The following WNT7A variants were observed in gnomAD, a reference collection of about 807,000 sequenced individuals.
WNT7A encodes Wnt family member 7A.
Under a neutral mutation model 28.2 loss-of-function variants are expected in WNT7A, and 16 were observed. The observed-to-expected ratio is 0.57, with a 90% CI of 0.38 to 0.86. WNT7A has a LOEUF of 0.86. WNT7A is among the 40% of genes least tolerant of loss of function. The pLI is 0.00. For synonymous variants in WNT7A, 190 were observed against 195.9 expected (o/e 0.97, Z 0.25); for missense variants, 411 against 489.7 (o/e 0.84, Z 1.52).
chr3:13,825,168 G>A (rs1387959781), intron 3 of WNT7A, among the ~76,000 whole-genome samples: 1 of 152,200 alleles, frequency 6.6e-6, no homozygotes, highest in Non-Finnish European at 1.5e-5. Flanking sequence ...ACCAGTGCCA[G>A]GGGACCAGCT....
chr3:13,828,091 C>T (rs1477345588), intron 3 of WNT7A, among the ~76,000 whole-genome samples: 1 of 152,154 alleles, frequency 6.6e-6, no homozygotes, highest in Non-Finnish European at 1.5e-5. Context: ...TCCTAGCCCC[C>T]GAAACTGAAG....
At position 13,879,682 on chromosome 3, in the gene WNT7A, C is replaced by T; in HGVS notation, c.71+64G>A. ...CGGCAGAGGCTCGCAGGCGGCACAC[C>T]TCCCTCCCCGGGCCGTGCCAACTTT... On this transcript the variant is annotated intron_variant, in intron 1 of 3. Coordinates refer to ENST00000285018, the MANE Select transcript of WNT7A (RefSeq NM_004625.4). The T allele has an allele frequency of 1.9e-6, 3 of 1,565,820 alleles. No homozygotes were observed. In the South Asian group the frequency reaches 3.5e-5, roughly 18 times the overall value.
intron 3 of WNT7A, among the ~76,000 whole-genome samples, chr3:13,852,008 C>T (rs374770850): frequency 9.2e-5 from 14 of 152,262 alleles, no homozygotes; most frequent in Non-Finnish European, 1.8e-4. Context: ...GGAGGGGATG[C>T]CCTGCAGCTT....
intron 1 of WNT7A, among the ~76,000 whole-genome samples, chr3:13,878,814 T>A (rs1355715043): frequency 6.8e-6 from 1 of 147,758 alleles, no homozygotes; most frequent in East Asian, 2.0e-4. Flanking sequence ...CATGCCCAGA[T>A]CCCCCCGCCC....
At chr3:13,827,438 G>A (rs1472407654) in intron 3 of WNT7A, among the ~76,000 whole-genome samples, 1 of 152,174 alleles carries the variant, frequency 6.6e-6, no homozygotes, top group East Asian at 1.9e-4. Flanking sequence ...CCCAGGAAGT[G>A]CCAACAATGT....
chr3:13,849,022 T>A (rs1023905381), intron 3 of WNT7A, among the ~76,000 whole-genome samples: 6 of 152,214 alleles, frequency 3.9e-5, no homozygotes, highest in African/African-American at 1.4e-4. Flanking sequence ...CCCACCTATG[T>A]AACATCGTTA....
At chr3:13,834,285 T>C (rs1001502628) in intron 3 of WNT7A, among the ~76,000 whole-genome samples, 1 of 152,116 alleles carries the variant, frequency 6.6e-6, no homozygotes, top group Non-Finnish European at 1.5e-5. Context: ...TAACAAGCTG[T>C]CTAGGGTTTT....
chr3:13,835,769 C>T (rs1176440875), intron 3 of WNT7A, among the ~76,000 whole-genome samples: 1 of 152,238 alleles, frequency 6.6e-6, no homozygotes, highest in East Asian at 1.9e-4. Flanking sequence ...GATGAAACAA[C>T]TCAAATGTCC....
intron 3 of WNT7A, among the ~76,000 whole-genome samples, chr3:13,821,177 A>G (rs1694103979): frequency 6.6e-6 from 1 of 152,240 alleles, no homozygotes; most frequent in Non-Finnish European, 1.5e-5. Flanking sequence ...AATTGGGGGC[A>G]GAGTGAGGCA....
At chr3:13,834,740 C>A (rs538584242) in intron 3 of WNT7A, among the ~76,000 whole-genome samples, 43 of 152,332 alleles carry the variant, frequency 2.8e-4, no homozygotes, top group African/African-American at 9.4e-4. Context: ...CCCTATGAGG[C>A]TCTCCCTGAC....
At chr3:13,877,317 C>G (rs780931810) in intron 1 of WNT7A, 1 of 152,278 alleles carries the variant, frequency 6.6e-6, no homozygotes, top group Non-Finnish European at 1.5e-5. Context: ...TCTCAGCTAG[C>G]AGGTGTTGGA....
chr3:13,870,776 A>G (rs1188238966), intron 2 of WNT7A, among the ~76,000 whole-genome samples: 1 of 152,234 alleles, frequency 6.6e-6, no homozygotes, highest in African/African-American at 2.4e-5. Context: ...CGCTGCCCCA[A>G]GAGGTGGCCC....
chr3:13,868,588 G>GGAAGAA (rs1559306936), intron 2 of WNT7A, among the ~76,000 whole-genome samples: 5 of 14,030 alleles, frequency 3.6e-4, no homozygotes, highest in African/African-American at 1.1e-3. Context: ...GAGAGAGAGA[G>GGAAGAA]AGGGAGAAAG....
intron 3 of WNT7A, among the ~76,000 whole-genome samples, chr3:13,850,824 T>A (rs575245731): frequency 1.3e-5 from 2 of 152,030 alleles, no homozygotes; most frequent in Non-Finnish European, 2.9e-5. Context: ...CTGCCCAGGC[T>A]TCTCTGCACT....
intron 3 of WNT7A, among the ~76,000 whole-genome samples, chr3:13,835,036 C>T (rs1208968793): frequency 5.3e-5 from 8 of 152,038 alleles, no homozygotes; most frequent in Admixed American, 1.3e-4. Context: ...GAGAACCAGA[C>T]GTTGAAGAGG....
Position 13,865,905 on chromosome 3 carries a change from CAA to C in WNT7A, c.298+9040_298+9041del, listed in dbSNP as rs971298795. Among the ~76,000 whole-genome samples the C allele has an allele frequency of 1.8e-4, 27 of 152,336 alleles. 1 individual carries two copies. The highest frequency in any genetic ancestry group is 1.3e-3 in the East Asian group (7 of 5,186). On this transcript the variant is annotated intron_variant, in intron 2 of 3. Coordinates refer to ENST00000285018, the MANE Select transcript of WNT7A (RefSeq NM_004625.4). ...TCAGATGGGTTCTTGCAAAAGTAAA[CAA>C]AGTCACTTCCAAAAGTGGTAAGTGC...
chr3:13,863,154 A>G (rs1694856876), intron 2 of WNT7A, among the ~76,000 whole-genome samples: 1 of 152,224 alleles, frequency 6.6e-6, no homozygotes, highest in South Asian at 2.1e-4. Flanking sequence ...ATCGATAAAC[A>G]GTAGCTCTTA....
chr3:13,842,424 G>A (rs371117578), intron 3 of WNT7A, among the ~76,000 whole-genome samples: 302 of 151,514 alleles, frequency 2.0e-3, no homozygotes, highest in African/African-American at 6.9e-3. Flanking sequence ...CTGGTGGATA[G>A]GACCCTGGGG....
intron 2 of WNT7A, among the ~76,000 whole-genome samples, chr3:13,855,670 A>G (rs1694717399): frequency 6.6e-6 from 1 of 152,070 alleles, no homozygotes; most frequent in East Asian, 1.9e-4. Flanking sequence ...CAGTCTCCTC[A>G]CCTGCAAAAT....
Sources: allele counts gnomAD v4.1 joint callset (sites outside exome capture counted in the v4.1 genomes callset), GRCh38; gene constraint gnomAD v4.1.1; transcripts MANE v1.5; gene names NCBI Gene and HGNC (gene_info 2026-07-23, HGNC 2026-07-21).